The following EHBP1 variants were observed in gnomAD, a reference collection of about 807,000 sequenced individuals.
EHBP1 encodes EH domain-binding protein 1.
A neutral mutation model predicts 144.0 loss-of-function variants in EHBP1; 55 were observed. The observed-to-expected ratio is 0.38, with a 90% CI of 0.31 to 0.48. EHBP1 has a LOEUF of 0.48. Ranked by LOEUF, EHBP1 falls within the 20% of genes least tolerant of loss-of-function variation. The probability of loss-of-function intolerance (pLI) is 0.98; values close to 1 mark genes in which losing one functional copy is unlikely to be tolerated. For synonymous variants in EHBP1, 469 were observed against 472.7 expected (o/e 0.99, Z 0.10); for missense variants, 1,200 against 1,364.2 (o/e 0.88, Z 1.90).
chr2:62,919,288 C>G (rs908398400), intron 10 of EHBP1, among the ~76,000 whole-genome samples: 2 of 152,174 alleles, frequency 1.3e-5, no homozygotes, highest in African/African-American at 4.8e-5. Flanking sequence ...AAAGGGCAAG[C>G]ACCTTTTGTT....
Position 62,681,340 on chromosome 2 carries a change from G to GTGTATATATATATATATA in EHBP1, c.-296+7258_-296+7259insGTATATATATATATATAT, listed in dbSNP as rs1171760462. Among the ~76,000 whole-genome samples, 145 of 58,538 alleles carry GTGTATATATATATATATA rather than the reference G, an allele frequency of 2.5e-3. 4 individuals are homozygous for GTGTATATATATATATATA. Among genetic ancestry groups the GTGTATATATATATATATA allele is most frequent in the East Asian group, 0.013 (30 of 2,360 alleles). The allele number at this position is 58,538 out of a possible 152,430, so 38.4% of individuals were successfully genotyped here. ...TATATATTTGTATGTATGTGTGTGT[G>GTGTATATATATATATATA]TATATATATATATATATATAATGTG... On this transcript the variant is annotated intron_variant, in intron 1 of 22. Transcript: ENST00000405015.
In EHBP1 at chr2:62,871,000, A is replaced by G. The variant is rs573303862; in HGVS notation, c.999-3346A>G. Among the ~76,000 whole-genome samples the G allele has an allele frequency of 2.6e-5, 4 of 152,210 alleles. No homozygotes were observed. In the South Asian group the frequency reaches 8.3e-4, roughly 32 times the overall value. On this transcript the variant is annotated intron_variant, in intron 9 of 22. Coordinates refer to ENST00000431489, the MANE Select transcript of EHBP1 (RefSeq NM_001142616.3). ...AACCCAGGTTGACATCTTATTTCTA[A>G]TTAATAACTATATGGGGGGTTGAAA...
chr2:62,881,947 G>A (rs1483859055), intron 10 of EHBP1, among the ~76,000 whole-genome samples: 2 of 152,088 alleles, frequency 1.3e-5, no homozygotes, highest in African/African-American at 4.8e-5. Flanking sequence ...AAGATTACAA[G>A]TCCCCCACCT....
chr2:62,902,670 C>T (rs2053507950), intron 10 of EHBP1, among the ~76,000 whole-genome samples: 1 of 152,042 alleles, frequency 6.6e-6, no homozygotes, highest in Non-Finnish European at 1.5e-5. Flanking sequence ...GTGAATATTG[C>T]ATAAAAATTA....
At chr2:62,757,403 A>ATTTC (rs955822334) in intron 3 of EHBP1, among the ~76,000 whole-genome samples, 4 of 134,508 alleles carry the variant, frequency 3.0e-5, no homozygotes, top group African/African-American at 1.1e-4. Context: ...CATGATAATC[A>ATTTC]TTTCTTTCTT....
intron 5 of EHBP1, among the ~76,000 whole-genome samples, chr2:62,823,030 C>G (rs1215615100): frequency 6.6e-6 from 1 of 152,032 alleles, no homozygotes; most frequent in Admixed American, 6.6e-5. Flanking sequence ...TCAGAATTGC[C>G]TGGTAGTAGT....
chr2:62,932,175 TA>T (rs764069665), intron 10 of EHBP1, among the ~76,000 whole-genome samples: 1,084 of 125,444 alleles, frequency 8.6e-3, no homozygotes, highest in Middle Eastern at 0.013. Flanking sequence ...AGACGGCATC[TA>T]AAAAAAAAAA....
intron 14 of EHBP1, among the ~76,000 whole-genome samples, chr2:62,970,853 C>T (rs1282389228): frequency 6.6e-6 from 1 of 152,088 alleles, no homozygotes; most frequent in Non-Finnish European, 1.5e-5. Flanking sequence ...GTGTCAAAGC[C>T]GCTGGGATGC....
intron 8 of EHBP1, among the ~76,000 whole-genome samples, chr2:62,860,360 GCA>G (rs1558808372): frequency 1.3e-5 from 2 of 152,106 alleles, no homozygotes; most frequent in Admixed American, 1.3e-4. Flanking sequence ...GCATGGTGGT[GCA>G]TGCATGTAAT....
intron 3 of EHBP1, among the ~76,000 whole-genome samples, chr2:62,748,609 A>G (rs2152173109): frequency 6.6e-6 from 1 of 152,206 alleles, no homozygotes; most frequent in East Asian, 1.9e-4. Context: ...TTATTGAGCT[A>G]AGATTGTGCC....
In EHBP1 at chr2:62,883,944, G is replaced by A. The variant is rs116186829; in HGVS notation, c.1185+9412G>A. 5.0e-3 allele frequency among the ~76,000 whole-genome samples: 764 copies of A among 152,078 alleles called. 4 individuals carry two copies. The highest frequency in any genetic ancestry group is 0.018 in the African/African-American group (749 of 41,516). On this transcript the variant is annotated intron_variant, in intron 10 of 22. Transcript: ENST00000431489. ...CGTGATGCGTCACTGCACTCCAGCC[G>A]GTATGGCAGAGTGAAACACTGTCAC...
chr2:62,922,949 C>T (rs967725606), intron 10 of EHBP1, among the ~76,000 whole-genome samples: 4 of 152,210 alleles, frequency 2.6e-5, no homozygotes, highest in Non-Finnish European at 4.4e-5. Context: ...CCCACAGTCT[C>T]CATTTGGATA....
chr2:62,798,173 C>T (rs910836935), intron 5 of EHBP1, among the ~76,000 whole-genome samples: 2 of 152,064 alleles, frequency 1.3e-5, no homozygotes, highest in Non-Finnish European at 1.5e-5. Flanking sequence ...TTGAGACTAA[C>T]CTGGCAATTG....
chr2:62,920,933 T>C (rs1044930035), intron 10 of EHBP1, among the ~76,000 whole-genome samples: 1 of 152,122 alleles, frequency 6.6e-6, no homozygotes, highest in Non-Finnish European at 1.5e-5. Flanking sequence ...CCTCCCACAG[T>C]TCTTAGATTA....
chr2:62,735,402 T>C (rs2038028721), intron 2 of EHBP1, among the ~76,000 whole-genome samples: 1 of 152,124 alleles, frequency 6.6e-6, no homozygotes, highest in Non-Finnish European at 1.5e-5. Flanking sequence ...AACAAAATAA[T>C]CCTAATTCTT....
At chr2:62,793,725 C>CATAT (rs1424139414) in intron 5 of EHBP1, among the ~76,000 whole-genome samples, 2 of 151,952 alleles carry the variant, frequency 1.3e-5, no homozygotes, top group African/African-American at 4.8e-5. Context: ...CTCTATGCTG[C>CATAT]ATATGATCTA....
chr2:63,013,984 G>A (rs2060380409), intron 19 of EHBP1, among the ~76,000 whole-genome samples: 1 of 152,194 alleles, frequency 6.6e-6, no homozygotes, highest in South Asian at 2.1e-4. Context: ...ATTCTGTGTT[G>A]TTCACAGTGA....
intron 10 of EHBP1, among the ~76,000 whole-genome samples, chr2:62,906,336 T>C (rs2152961164): frequency 6.6e-6 from 1 of 152,312 alleles, no homozygotes; most frequent in South Asian, 2.1e-4. Flanking sequence ...AGTATCACAC[T>C]ATCTTCATTC....
In EHBP1 at chr2:62,990,819, G is replaced by C; in HGVS notation, c.2712G>C (p.Glu904Asp). The C allele has an allele frequency of 6.2e-7, 1 of 1,613,650 alleles. No individual in the cohort carries two copies. The highest frequency in any genetic ancestry group is 8.5e-7 in the Non-Finnish European group (1 of 1,179,718). The change falls in exon 16 of 23, where the codon GAG becomes GAC. Residue 904 changes from glutamate (E) to aspartate (D), a missense_variant. Physicochemically the swap from Glu to Asp is conservative, Grantham distance 45 (BLOSUM62 2). This residue lies in a region of EHBP1 where 543 missense variants were observed against 513.1 expected (regional missense o/e 1.06). Transcript: ENST00000431489. ...GTGCTGCCCAGAAAGCTGTAACTGAGAGCTCAGAGCAGGACATGAAAGTAA... is the reference window on the plus strand; with the variant it reads ...GTGCTGCCCAGAAAGCTGTAACTGACAGCTCAGAGCAGGACATGAAAGTAA... ...PSSAAQKAVT[E>D]SSEQDMKSGT...
Sources: gnomAD v4.1 joint callset for allele counts (sites outside exome capture counted in the v4.1 genomes callset) on GRCh38, gnomAD v4.1.1 for gene constraint, gnomAD v4.1.1 regional missense constraint, MANE v1.5 for transcripts, NCBI Gene and HGNC (gene_info 2026-07-23, HGNC 2026-07-21) for gene names.